Variants in PGR observed in about 807,000 individuals in gnomAD.
PGR encodes progesterone receptor, also known as nuclear receptor subfamily 3 group C member 3.
A neutral mutation model predicts 76.1 loss-of-function variants in PGR; 25 were observed. The ratio of observed to expected loss-of-function variants is 0.33; its 90% CI spans 0.24 to 0.46. The LOEUF (loss-of-function observed/expected upper bound fraction) is 0.46. Among genes scored for constraint, PGR ranks in the 20% least tolerant of loss-of-function variants. The pLI, the probability that PGR is intolerant of heterozygous loss-of-function variation, is 1.00. For synonymous variants in PGR, 579 were observed against 535.0 expected, an observed-to-expected ratio of 1.08 and a Z score of -1.14; for missense variants, 1,172 against 1,225.3, an observed-to-expected ratio of 0.96 and a Z score of 0.65.
intron 4 of PGR, among the ~76,000 whole-genome samples, chr11:101,057,889 G>C (rs1860350017): frequency 1.3e-5 from 2 of 152,140 alleles, no homozygotes; most frequent in Non-Finnish European, 2.9e-5. Context: ...GTTTTGTAGA[G>C]GGTCTGGCTA....
In PGR at chr11:101,061,862, T is replaced by C. The variant is rs9282824; in HGVS notation, c.2212+585A>G. Among the ~76,000 whole-genome samples the C allele has an allele frequency of 3.6e-3, 543 of 152,270 alleles. 3 individuals are homozygous for C. The highest frequency in any genetic ancestry group is 0.012 in the African/African-American group (516 of 41,568). On this transcript the variant is annotated intron_variant, in intron 4 of 7. Coordinates refer to ENST00000325455, the MANE Select transcript of PGR (RefSeq NM_000926.4). ...TGACTGAAATTCTTCTGTGATGATA[T>C]AATCCAAGTTCTCTCTGTTGCTGGG...
chr11:101,092,605 T>C (rs1324155267), intron 2 of PGR, among the ~76,000 whole-genome samples: 1 of 152,192 alleles, frequency 6.6e-6, no homozygotes, highest in Non-Finnish European at 1.5e-5. Flanking sequence ...GAGGAAACTA[T>C]GGATGCCTTT....
At position 101,034,325 on chromosome 11, in the gene PGR, C is replaced by T. The variant is rs11224561; in HGVS notation, c.*4791G>A. 0.17 allele frequency: 37,890 copies of T among 217,570 alleles called. 5,987 individuals are homozygous for T. Among genetic ancestry groups the T allele is most frequent in the East Asian group, 0.7 (10,339 of 14,848 alleles). 13.5% of individuals were successfully genotyped at this position (217,570 alleles called of 1,614,324 possible). A position where few individuals can be genotyped will look rare whatever the true frequency, so the allele number is the denominator to read the frequency against. On this transcript the variant is annotated 3_prime_UTR_variant, in exon 8 of 8. Coordinates refer to ENST00000325455, the MANE Select transcript of PGR (RefSeq NM_000926.4). ...CAGACTCCACAGCTGCATAAGGCTG[C>T]GGACAAGCTTGGGCGCAGCCCCTGT... is the stretch of plus-strand genomic sequence containing the variant.
At chr11:101,056,530 C>T (rs531589709) in intron 4 of PGR, among the ~76,000 whole-genome samples, 1 of 149,626 alleles carries the variant, frequency 6.7e-6, no homozygotes, top group Admixed American at 6.7e-5. Context: ...GCTGAAGTTA[C>T]TGGGGAGGCT....
chr11:101,096,594 T>C (rs1284882065), intron 2 of PGR, among the ~76,000 whole-genome samples: 1 of 152,102 alleles, frequency 6.6e-6, no homozygotes, highest in Non-Finnish European at 1.5e-5. Flanking sequence ...TGGCTGTATA[T>C]GCAGGTGAAG....
chr11:101,128,405 C>T lies in PGR; in HGVS notation c.666G>A (p.Glu222=), dbSNP rs773199805. ...CCTCGGACTCAGAGCCATCCTCCTC[C>T]TCAACCTCCACCGCAGCGGCCTGCG... The part of the protein sequence containing the change: ...PSPQAAAVEV[E]EEDGSESEES... The change falls in exon 1 of 8, where the codon GAG becomes GAA. Residue 222 remains glutamate (E), a synonymous_variant. Coordinates refer to ENST00000325455, the MANE Select transcript of PGR (RefSeq NM_000926.4). 21 of 1,610,506 alleles carry T rather than the reference C, an allele frequency of 1.3e-5. No homozygotes were observed. The highest frequency in any genetic ancestry group is 1.8e-5 in the Non-Finnish European group (21 of 1,179,868).
At chr11:101,096,863 G>T (rs1022489579) in intron 2 of PGR, among the ~76,000 whole-genome samples, 2 of 152,140 alleles carry the variant, frequency 1.3e-5, no homozygotes, top group African/African-American at 4.8e-5. Flanking sequence ...TGTAAAACAC[G>T]TCACTATATT....
chr11:101,079,405 G>A (rs1861230014), intron 3 of PGR, among the ~76,000 whole-genome samples: 1 of 148,838 alleles, frequency 6.7e-6, no homozygotes, highest in Non-Finnish European at 1.5e-5. Flanking sequence ...AATATATAAG[G>A]AACTCAGCTC....
In PGR at chr11:101,034,900, A is replaced by T. The variant is rs1272502433; in HGVS notation, c.*4216T>A. The T allele has an allele frequency of 1.1e-5, 2 of 183,632 alleles. No individual in the cohort carries two copies. Among genetic ancestry groups the T allele is most frequent in the Non-Finnish European group, 2.3e-5 (2 of 86,468 alleles). The allele number at this position is 183,632 out of a possible 1,614,324, so 11.4% of individuals were successfully genotyped here. A position where few individuals can be genotyped will look rare whatever the true frequency, so the allele number is the denominator to read the frequency against. On this transcript the variant is annotated 3_prime_UTR_variant, in exon 8 of 8. Coordinates refer to ENST00000325455, the MANE Select transcript of PGR (RefSeq NM_000926.4). ...ATTAAATAGTCCACAGATGCTAGGG[A>T]GAAACAGAGATTGTTGTTTTCACTC... is the stretch of plus-strand genomic sequence containing the variant.
intron 2 of PGR, among the ~76,000 whole-genome samples, chr11:101,098,027 C>T (rs1023919445): frequency 2.6e-5 from 4 of 152,016 alleles, no homozygotes; most frequent in Admixed American, 1.3e-4. Context: ...CCTCCTGCCT[C>T]GGCCTCCTGA....
chr11:101,052,503 G>T (rs1323647034), intron 4 of PGR, among the ~76,000 whole-genome samples: 1 of 152,078 alleles, frequency 6.6e-6, no homozygotes, highest in African/African-American at 2.4e-5. Flanking sequence ...ACTTAAAGGT[G>T]GGAGAAGCAA....
chr11:101,119,175 A>G (rs759427682), intron 2 of PGR, among the ~76,000 whole-genome samples: 1 of 152,122 alleles, frequency 6.6e-6, no homozygotes, highest in Non-Finnish European at 1.5e-5. Flanking sequence ...TCGCTTGGCC[A>G]CTGCTCACCT....
chr11:101,066,806 A>G (rs952206047), intron 3 of PGR, among the ~76,000 whole-genome samples: 3 of 152,180 alleles, frequency 2.0e-5, no homozygotes, highest in African/African-American at 7.2e-5. Context: ...GTGGATAACC[A>G]TGAAAATATA....
intron 2 of PGR, among the ~76,000 whole-genome samples, chr11:101,119,316 CTGTCT>C (rs1225420025): frequency 6.6e-6 from 1 of 152,056 alleles, no homozygotes; most frequent in African/African-American, 2.4e-5. Flanking sequence ...TTTTGAGTGT[CTGTCT>C]TAAGTGTCAA....
chr11:101,070,922 G>C (rs982872671), intron 3 of PGR, among the ~76,000 whole-genome samples: 8 of 152,342 alleles, frequency 5.3e-5, no homozygotes, highest in Admixed American at 2.0e-4. Flanking sequence ...GTTCCTGCCT[G>C]CTGGCTCTGA....
intron 2 of PGR, among the ~76,000 whole-genome samples, chr11:101,120,170 G>A (rs1862632289): frequency 1.3e-5 from 2 of 152,176 alleles, no homozygotes; most frequent in Admixed American, 6.5e-5. Context: ...TTGTATCAAG[G>A]TATTCTCATG....
chr11:101,091,940 G>C, intron 2 of PGR, 64 bp from the exon 3 acceptor site: 1 of 845,430 alleles, frequency 1.2e-6, no homozygotes, highest in East Asian at 2.5e-5. Context: ...ATTCTATGCA[G>C]TGACAACTGA....
intron 2 of PGR, among the ~76,000 whole-genome samples, chr11:101,092,978 T>C (rs994027382): frequency 6.6e-6 from 1 of 152,146 alleles, no homozygotes; most frequent in Non-Finnish European, 1.5e-5. Context: ...CTAAAACATG[T>C]ACTTAATCAA....
Position 101,038,993 on chromosome 11 carries a change from C to A in PGR, c.*123G>T. On this transcript the variant is annotated 3_prime_UTR_variant, in exon 8 of 8. Coordinates refer to ENST00000325455, the MANE Select transcript of PGR (RefSeq NM_000926.4). ...TCACAATTTTTCTTTTAAATTTACA[C>A]ACTATGATGTTATAAATGTAAGGCT... The A allele has an allele frequency of 1.5e-6, 1 of 656,352 alleles. No individual in the cohort carries two copies. The highest frequency in any genetic ancestry group is 2.8e-5 in the East Asian group (1 of 36,294). The allele number at this position is 656,352 out of a possible 1,614,324, so 40.7% of individuals were successfully genotyped here. A position where few individuals can be genotyped will look rare whatever the true frequency, so the allele number is the denominator to read the frequency against.
Sources: gnomAD v4.1 joint callset for allele counts (sites outside exome capture counted in the v4.1 genomes callset) on GRCh38, gnomAD v4.1.1 for gene constraint, MANE v1.5 for transcripts, NCBI Gene and HGNC (gene_info 2026-07-23, HGNC 2026-07-21) for gene names.